The following UBE3C variants were observed in gnomAD, a reference collection of about 807,000 sequenced individuals.
UBE3C encodes ubiquitin protein ligase E3C.
In UBE3C, 42 loss-of-function variants were observed where a neutral mutation model predicts 129.4. That is an observed-to-expected ratio of 0.32 (90% CI 0.25 to 0.42). The LOEUF (loss-of-function observed/expected upper bound fraction) is 0.42. UBE3C is among the 10% of genes least tolerant of loss of function. The pLI is 1.00. For missense variants in UBE3C, 1,049 were observed against 1,319.1 expected (o/e 0.80, Z 3.17); for synonymous variants, 510 against 492.4 (o/e 1.04, Z -0.47).
intron 18 of UBE3C, among the ~76,000 whole-genome samples, chr7:157,247,027 A>G (rs567618980): frequency 2.0e-5 from 3 of 152,242 alleles, no homozygotes; most frequent in African/African-American, 7.2e-5. Context: ...AGTAGCTGGG[A>G]TTATAGGCAT....
intron 10 of UBE3C, chr7:157,192,707 C>T: frequency 3.8e-6 from 3 of 799,796 alleles, no homozygotes; most frequent in Non-Finnish European, 6.7e-6. Context: ...ACAAAATGAG[C>T]TGCCTTCGTC....
At chr7:157,214,898 G>A (rs1390064505) in intron 13 of UBE3C, among the ~76,000 whole-genome samples, 1 of 152,174 alleles carries the variant, frequency 6.6e-6, no homozygotes, top group African/African-American at 2.4e-5. Context: ...AGGCTGCCTA[G>A]GCTGCATAAG....
chr7:157,248,124 A>AC (rs1339672689), intron 18 of UBE3C, among the ~76,000 whole-genome samples: 2 of 151,960 alleles, frequency 1.3e-5, no homozygotes, highest in African/African-American at 2.4e-5. Flanking sequence ...TCATAATTCC[A>AC]CGATTTCGCT....
At chr7:157,244,165 G>T (rs1256025883) in intron 18 of UBE3C, among the ~76,000 whole-genome samples, 1 of 152,176 alleles carries the variant, frequency 6.6e-6, no homozygotes, top group African/African-American at 2.4e-5. Flanking sequence ...AGGAGGCGGA[G>T]GTTGCAGTGA....
At chr7:157,249,085 A>G (rs1796555434) in intron 19 of UBE3C, among the ~76,000 whole-genome samples, 1 of 152,240 alleles carries the variant, frequency 6.6e-6, no homozygotes, top group Non-Finnish European at 1.5e-5. Context: ...TAACAGCTTT[A>G]TCAACATGTA....
intron 1 of UBE3C, among the ~76,000 whole-genome samples, chr7:157,146,632 T>C (rs1382683001): frequency 6.6e-6 from 1 of 152,006 alleles, no homozygotes; most frequent in Non-Finnish European, 1.5e-5. Context: ...TGTAGTAAAC[T>C]GTACTACTTA....
chr7:157,261,742 T>C (rs1248902522), intron 22 of UBE3C, among the ~76,000 whole-genome samples: 2 of 152,222 alleles, frequency 1.3e-5, no homozygotes, highest in Non-Finnish European at 2.9e-5. Context: ...TAACATCTGC[T>C]AAAGCTAATT....
rs1173145636 is a variant in UBE3C at position 157,268,882 on chromosome 7, G to C, written c.*1127G>C. 6.6e-6 allele frequency: 1 copy of C among 152,662 alleles called. No homozygotes were observed. Among genetic ancestry groups the C allele is most frequent in the African/African-American group, 2.4e-5 (1 of 41,456 alleles). 9.5% of individuals were successfully genotyped at this position (152,662 alleles called of 1,614,324 possible). ...GCGTTTCAAAGCGTCAGCTGTGGGA[G>C]CAGAGTGACCCTTTGCTGATGCTGG... On this transcript the variant is annotated 3_prime_UTR_variant, in exon 23 of 23. Coordinates refer to ENST00000348165, the MANE Select transcript of UBE3C (RefSeq NM_014671.3).
chr7:157,175,137 C>CTTTTTTTTTCTTTTTTTTTT (rs1808482387), intron 5 of UBE3C, 103 bp downstream of exon 5: 1 of 226,512 alleles, frequency 4.4e-6, no homozygotes, highest in Non-Finnish European at 6.9e-6. Flanking sequence ...CTTTTCCATA[C>CTTTTTTTTTCTTTTTTTTTT]TTTTTTTTTT....
intron 1 of UBE3C, among the ~76,000 whole-genome samples, chr7:157,150,440 T>G (rs777839390): frequency 4.6e-5 from 7 of 152,060 alleles, no homozygotes; most frequent in African/African-American, 2.4e-5. Context: ...AATTTCTACA[T>G]TTAGAAACGT....
intron 10 of UBE3C, among the ~76,000 whole-genome samples, chr7:157,190,355 T>C (rs1228774410): frequency 6.6e-6 from 1 of 151,964 alleles, no homozygotes; most frequent in Non-Finnish European, 1.5e-5. Flanking sequence ...AACAGGCCCG[T>C]CATCTACTTG....
intron 16 of UBE3C, among the ~76,000 whole-genome samples, chr7:157,224,257 C>T (rs765910374): frequency 4.6e-5 from 7 of 151,956 alleles, no homozygotes; most frequent in Non-Finnish European, 8.8e-5. Flanking sequence ...TGCAGAGGCG[C>T]GATCTTGGCT....
At chr7:157,146,427 T>C (rs1291066094) in intron 1 of UBE3C, among the ~76,000 whole-genome samples, 1 of 152,008 alleles carries the variant, frequency 6.6e-6, no homozygotes, top group Non-Finnish European at 1.5e-5. Context: ...TTCACCATGT[T>C]GGTCAGGCTG....
At chr7:157,253,321 T>G (rs1364910223) in intron 19 of UBE3C, among the ~76,000 whole-genome samples, 1 of 152,250 alleles carries the variant, frequency 6.6e-6, no homozygotes, top group African/African-American at 2.4e-5. Context: ...ATGAGCACTC[T>G]TGTGGTGTTT....
chr7:157,168,930 T>C lies in UBE3C; in HGVS notation c.121-118T>C, dbSNP rs1241470121. The stretch of plus-strand genomic sequence containing the variant: ...TTAGTGGGTGTTACCTTTTAAAGAA[T>C]GAATTTTATGGTATGTGAATTACAT... On this transcript the variant is annotated intron_variant, in intron 2 of 22. Coordinates refer to ENST00000348165, the MANE Select transcript of UBE3C (RefSeq NM_014671.3). The C allele has an allele frequency of 2.2e-5, 16 of 736,370 alleles. No individual in the cohort carries two copies. In the Admixed American group the frequency reaches 3.9e-4, roughly 18 times the overall value. 45.6% of individuals were successfully genotyped at this position (736,370 alleles called of 1,614,324 possible).
Position 157,138,980 on chromosome 7 carries a change from C to T in UBE3C, c.-293C>T, listed in dbSNP as rs117506586. 15,492 of 152,484 alleles carry T rather than the reference C, an allele frequency of 0.1. 921 individuals carry two copies. Among genetic ancestry groups the T allele is most frequent in the African/African-American group, 0.14 (5,903 of 41,424 alleles). The allele number at this position is 152,484 out of a possible 1,614,324, so 9.4% of individuals were successfully genotyped here. A position where few individuals can be genotyped will look rare whatever the true frequency, so the allele number is the denominator to read the frequency against. ...CCTCCCGAGGCGGCAGTTCCAGGTG[C>T]AAGCGCCGGGTTTGCTGCCCGCTGG... On this transcript the variant is annotated 5_prime_UTR_variant, in exon 1 of 23. Coordinates refer to ENST00000348165, the MANE Select transcript of UBE3C (RefSeq NM_014671.3).
chr7:157,219,586 G>T (rs113582520), intron 14 of UBE3C, among the ~76,000 whole-genome samples: 15 of 152,290 alleles, frequency 9.8e-5, no homozygotes, highest in Non-Finnish European at 1.8e-4. Flanking sequence ...AAATTTTACA[G>T]GATGAAAGTT....
In UBE3C at chr7:157,139,324, G is replaced by T; in HGVS notation, c.52G>T (p.Gly18Cys). The T allele has an allele frequency of 6.3e-7, 1 of 1,582,726 alleles. No individual in the cohort carries two copies. Residue 18 changes from glycine (G) to cysteine (C), a missense_variant, in exon 1 of 23, where the codon GGC (glycine) becomes TGC (cysteine). Physicochemically the swap from Gly to Cys is radical, Grantham distance 159. Transcript: ENST00000348165. ...FKTRPKVSLG[G>C]ASRKEEKASL... ...GACGCGGCCCAAGGTGTCCCTTGGC[G>T]GCGCGAGCAGGAAGGTGAGGGCCGG...
At chr7:157,186,494 AGAT>A (rs1808809918) in intron 9 of UBE3C, among the ~76,000 whole-genome samples, 2 of 152,140 alleles carry the variant, frequency 1.3e-5, no homozygotes, top group African/African-American at 4.8e-5. Context: ...AAATGCCATT[AGAT>A]GATGATAGTT....
Sources: allele counts gnomAD v4.1 joint callset (sites outside exome capture counted in the v4.1 genomes callset), GRCh38; gene constraint gnomAD v4.1.1; transcripts MANE v1.5; gene names NCBI Gene and HGNC (gene_info 2026-07-23, HGNC 2026-07-21).